Variants in ZMIZ1 observed in about 807,000 individuals in gnomAD.
ZMIZ1 encodes the protein zinc finger MIZ-type containing 1.
Under a neutral mutation model 113.9 loss-of-function variants are expected in ZMIZ1, and 17 were observed. The observed-to-expected ratio is 0.15, with a 90% CI of 0.10 to 0.22. ZMIZ1 has a LOEUF of 0.22. Among genes scored for constraint, ZMIZ1 ranks in the 10% least tolerant of loss-of-function variants. ZMIZ1 has a pLI of 1.00. For synonymous variants in ZMIZ1, 607 were observed against 603.1 expected (o/e 1.01, Z -0.09); for missense variants, 1,059 against 1,477.8 (o/e 0.72, Z 4.65).
At chr10:79,212,111 C>T (rs1175203406) in intron 6 of ZMIZ1, among the ~76,000 whole-genome samples, 1 of 152,060 alleles carries the variant, frequency 6.6e-6, no homozygotes, top group Non-Finnish European at 1.5e-5. Flanking sequence ...TAATGTAATT[C>T]ACCACGTGAC....
chr10:79,154,710 G>A (rs935009347), intron 3 of ZMIZ1, among the ~76,000 whole-genome samples: 1 of 152,240 alleles, frequency 6.6e-6, no homozygotes, highest in Non-Finnish European at 1.5e-5. Context: ...CTGCTTCTGT[G>A]GAAGAGGAGG....
At chr10:79,170,531 A>G (rs1190956850) in intron 4 of ZMIZ1, among the ~76,000 whole-genome samples, 1 of 152,202 alleles carries the variant, frequency 6.6e-6, no homozygotes, top group Non-Finnish European at 1.5e-5. Flanking sequence ...CTAACTCTGC[A>G]GGCATTAGCG....
At chr10:79,239,851 C>A (rs949808073) in intron 7 of ZMIZ1, among the ~76,000 whole-genome samples, 2 of 152,152 alleles carry the variant, frequency 1.3e-5, no homozygotes, top group Non-Finnish European at 2.9e-5. Context: ...CTGGAGAAGG[C>A]CCCTGTCTGC....
At chr10:79,223,450 G>C (rs1264974094) in intron 7 of ZMIZ1, among the ~76,000 whole-genome samples, 1 of 152,230 alleles carries the variant, frequency 6.6e-6, no homozygotes, top group African/African-American at 2.4e-5. Flanking sequence ...GTTGGGGAGG[G>C]GTTTGGCTTC....
chr10:79,103,795 C>T (rs1455752069), intron 1 of ZMIZ1, among the ~76,000 whole-genome samples: 1 of 152,064 alleles, frequency 6.6e-6, no homozygotes, highest in Non-Finnish European at 1.5e-5. Flanking sequence ...GGGTTTTGTC[C>T]CATTGCATCA....
chr10:79,205,075 T>C (rs1306717290), intron 5 of ZMIZ1, among the ~76,000 whole-genome samples: 1 of 152,216 alleles, frequency 6.6e-6, no homozygotes, highest in African/African-American at 2.4e-5. Flanking sequence ...ATAAGATGAA[T>C]TCATCATTTC....
chr10:79,308,290 A>T (rs1426498766), intron 23 of ZMIZ1, among the ~76,000 whole-genome samples: 1 of 152,228 alleles, frequency 6.6e-6, no homozygotes, highest in Non-Finnish European at 1.5e-5. Context: ...AGCAAGACAG[A>T]CAGGCCTTGG....
chr10:79,244,303 C>T (rs1850063501), intron 7 of ZMIZ1, among the ~76,000 whole-genome samples: 1 of 152,172 alleles, frequency 6.6e-6, no homozygotes, highest in South Asian at 2.1e-4. Context: ...TGGATTTGCA[C>T]CAGAGGGCAG....
At chr10:79,286,382 C>T (rs1403428039) in intron 8 of ZMIZ1, among the ~76,000 whole-genome samples, 10 of 152,202 alleles carry the variant, frequency 6.6e-5, no homozygotes, top group African/African-American at 1.2e-4. Flanking sequence ...CCTGCGGGGG[C>T]GAGAGCCTTC....
intron 7 of ZMIZ1, among the ~76,000 whole-genome samples, chr10:79,266,189 A>G (rs1259116633): frequency 6.6e-6 from 1 of 152,180 alleles, no homozygotes; most frequent in Non-Finnish European, 1.5e-5. Flanking sequence ...GTCACACAGG[A>G]GGTTCAAGAA....
chr10:79,270,795 G>C (rs1371082999), intron 7 of ZMIZ1, among the ~76,000 whole-genome samples: 2 of 152,166 alleles, frequency 1.3e-5, no homozygotes, highest in African/African-American at 4.8e-5. Flanking sequence ...CTAAAAGCCA[G>C]GGCCCTAGAG....
chr10:79,085,556 C>T (rs1185710785), intron 1 of ZMIZ1, among the ~76,000 whole-genome samples: 1 of 152,194 alleles, frequency 6.6e-6, no homozygotes, highest in East Asian at 1.9e-4. Context: ...GGGCCTGCCT[C>T]CTCATCTGAA....
chr10:79,170,614 G>A (rs1189679342), intron 4 of ZMIZ1, among the ~76,000 whole-genome samples: 1 of 152,238 alleles, frequency 6.6e-6, no homozygotes, highest in Non-Finnish European at 1.5e-5. Context: ...GGGAGGTAGG[G>A]CGGAGGCCAG....
intron 7 of ZMIZ1, among the ~76,000 whole-genome samples, chr10:79,245,949 C>A (rs1010465760): frequency 6.6e-6 from 1 of 152,256 alleles, no homozygotes; most frequent in African/African-American, 2.4e-5. Context: ...ACAGACAGCG[C>A]TGTCCAGGAG....
intron 1 of ZMIZ1, among the ~76,000 whole-genome samples, chr10:79,078,875 T>C (rs1002674233): frequency 6.6e-6 from 1 of 151,940 alleles, no homozygotes; most frequent in Non-Finnish European, 1.5e-5. Flanking sequence ...GCAAAATAAC[T>C]ATGGAAAAGA....
At chr10:79,155,732 A>C (rs746791843) in intron 3 of ZMIZ1, among the ~76,000 whole-genome samples, 5 of 152,368 alleles carry the variant, frequency 3.3e-5, no homozygotes, top group Admixed American at 6.5e-5. Context: ...GGATGTGTGC[A>C]TGTGCCTCTG....
intron 8 of ZMIZ1, among the ~76,000 whole-genome samples, chr10:79,277,798 G>A (rs922601159): frequency 6.6e-6 from 1 of 152,254 alleles, no homozygotes; most frequent in Non-Finnish European, 1.5e-5. Context: ...GCTGGAGGCC[G>A]ACAGCACCGA....
At position 79,299,150 on chromosome 10, in the gene ZMIZ1, G is replaced by A. The variant is rs867952602; in HGVS notation, c.1767G>A (p.Val589=). The A allele has an allele frequency of 5.6e-6, 9 of 1,610,428 alleles. No individual in the cohort carries two copies. Among genetic ancestry groups the A allele is most frequent in the Middle Eastern group, 3.3e-4 (2 of 6,080 alleles). The change falls in exon 16 of 25, where the codon GTG becomes GTA. Residue 589 remains valine, a synonymous_variant. Coordinates refer to ENST00000334512, the MANE Select transcript of ZMIZ1 (RefSeq NM_020338.4). ...LEHNLAVSNH[V]FHLRPTVHQT... Reference sequence around the variant, plus strand: ...ACAACCTGGCGGTCAGCAACCATGTGTTCCACCTGCGGCCCACGGTCCACC... The same window carrying A: ...ACAACCTGGCGGTCAGCAACCATGTATTCCACCTGCGGCCCACGGTCCACC...
chr10:79,223,590 G>A (rs941408933), intron 7 of ZMIZ1, among the ~76,000 whole-genome samples: 1 of 152,232 alleles, frequency 6.6e-6, no homozygotes, highest in African/African-American at 2.4e-5. Context: ...CTGTTCACGC[G>A]CTCACCTCCC....
Sources: allele counts gnomAD v4.1 joint callset (sites outside exome capture counted in the v4.1 genomes callset), GRCh38; gene constraint gnomAD v4.1.1; transcripts MANE v1.5; gene names NCBI Gene and HGNC (gene_info 2026-07-23, HGNC 2026-07-21).